The following PTGES3 variants were observed in gnomAD, a reference collection of about 807,000 sequenced individuals.
PTGES3 encodes the protein Hsp90 co-chaperone.
Under a neutral mutation model 29.9 loss-of-function variants are expected in PTGES3, and 5 were observed. That is an observed-to-expected ratio of 0.17 (90% CI 0.09 to 0.35). The LOEUF is 0.35. Among genes scored for constraint, PTGES3 ranks in the 10% least tolerant of loss-of-function variants. The pLI is 1.00. For synonymous variants in PTGES3, 49 were observed against 57.8 expected, an observed-to-expected ratio of 0.85 and a Z score of 0.69; for missense variants, 128 against 190.0, an observed-to-expected ratio of 0.67 and a Z score of 1.92.
At chr12:56,674,789 G>A (rs1470705114) in intron 1 of PTGES3, among the ~76,000 whole-genome samples, 4 of 117,762 alleles carry the variant, frequency 3.4e-5, no homozygotes, top group Admixed American at 2.3e-4. Context: ...TCAGGCCACC[G>A]CACCCCAGCC....
intron 5 of PTGES3, among the ~76,000 whole-genome samples, chr12:56,668,978 T>C (rs1399721504): frequency 1.3e-5 from 2 of 151,632 alleles, no homozygotes; most frequent in Admixed American, 6.6e-5. Context: ...TTTTTCCTTG[T>C]ATATCTCATG....
chr12:56,663,527 T>G lies in PTGES3; in HGVS notation c.*952A>C, dbSNP rs1951682201. ...GAATAATCCCAAATTCTTCCTCAAA[T>G]AAACTCCATTCCAGTAAATGGTAAA... On this transcript the variant is annotated 3_prime_UTR_variant, in exon 8 of 8. Coordinates refer to ENST00000262033, the MANE Select transcript of PTGES3 (RefSeq NM_006601.7). The G allele has an allele frequency of 6.8e-6, 1 of 146,046 alleles. No individual in the cohort carries two copies. The highest frequency in any genetic ancestry group is 6.8e-5 in the Admixed American group (1 of 14,638). The allele number at this position is 146,046 out of a possible 1,614,324, so 9.0% of individuals were successfully genotyped here.
At chr12:56,672,691 T>G in intron 3 of PTGES3, 49 bp downstream of exon 3, 1 of 1,500,344 alleles carries the variant, frequency 6.7e-7, no homozygotes, top group South Asian at 1.4e-5. Context: ...ACTTGGTATG[T>G]CTGTTTCCTC....
chr12:56,666,696 C>G (rs1951801400), intron 5 of PTGES3, among the ~76,000 whole-genome samples: 2 of 151,908 alleles, frequency 1.3e-5, no homozygotes, highest in South Asian at 4.1e-4. Context: ...GGCGTGATCT[C>G]AGCTCACTGC....
At chr12:56,665,696 C>T in intron 6 of PTGES3, 2 of 941,190 alleles carry the variant, frequency 2.1e-6, no homozygotes, top group South Asian at 4.9e-5. Context: ...CACTGGAGTG[C>T]AATGGTGTGA....
chr12:56,665,912 C>G, intron 6 of PTGES3: 1 of 1,013,484 alleles, frequency 9.9e-7, no homozygotes, highest in Non-Finnish European at 1.2e-6. Context: ...TGAGCCACCT[C>G]GCCCGGCCTA....
At chr12:56,671,626 C>T (rs1952010601) in intron 4 of PTGES3, 123 bp downstream of exon 4, 1 of 496,624 alleles carries the variant, frequency 2.0e-6, no homozygotes, top group African/African-American at 2.0e-5. Flanking sequence ...AAAACATGAA[C>T]ATGAGGCTTT....
chr12:56,682,528 C>T lies in PTGES3; in HGVS notation c.2+5470G>A, dbSNP rs570335564. On this transcript the variant is annotated intron_variant, in intron 1 of 7. Transcript: ENST00000262033. ...CAGTGATGACACCACTGCACTCCAGCCTGGGCAAAGTAGTGAGACAGTGTC... is the reference window on the plus strand; with the variant it reads ...CAGTGATGACACCACTGCACTCCAGTCTGGGCAAAGTAGTGAGACAGTGTC... Among the ~76,000 whole-genome samples, 235 of 152,036 alleles carry T rather than the reference C, an allele frequency of 1.5e-3. 1 individual carries two copies. Among genetic ancestry groups the T allele is most frequent in the African/African-American group, 5.4e-3 (226 of 41,472 alleles).
Position 56,665,304 on chromosome 12 carries a change from T to G in PTGES3, c.439-504A>C, listed in dbSNP as rs1339709068. 4.2e-5 allele frequency: 21 copies of G among 495,412 alleles called. No homozygotes were observed. The South Asian group carries it at 5.1e-4, about 12-fold the overall frequency. The allele number at this position is 495,412 out of a possible 1,614,324, so 30.7% of individuals were successfully genotyped here. ...TCCATCTTTTTTTTTTTTTTTTTTT[T>G]GGGTGGGGGGAGATGGAGTCTTGCT... On this transcript the variant is annotated intron_variant, in intron 6 of 7. Transcript: ENST00000262033.
rs1565856590 is a variant in PTGES3, at chr12:56,664,475, T to C, written c.*4A>G. On this transcript the variant is annotated 3_prime_UTR_variant, in exon 8 of 8. Coordinates refer to ENST00000262033, the MANE Select transcript of PTGES3 (RefSeq NM_006601.7). ...TCTCAAAATCCAGGTGATGACAATA[T>C]TCCTTACTCCAGATCTGGCATTTCT... 6.2e-7 allele frequency: 1 copy of C among 1,604,568 alleles called. No homozygotes were observed. The highest frequency in any genetic ancestry group is 1.1e-5 in the South Asian group (1 of 89,114).
intron 7 of PTGES3, 83 bp downstream of exon 7, chr12:56,664,693 C>A: frequency 4.7e-6 from 7 of 1,498,528 alleles, no homozygotes; most frequent in Non-Finnish European, 6.4e-6. Context: ...TACTTTACTT[C>A]CAAAGAAGTT....
chr12:56,685,467 C>T (rs2137739106), intron 1 of PTGES3, among the ~76,000 whole-genome samples: 1 of 149,644 alleles, frequency 6.7e-6, no homozygotes, highest in East Asian at 2.0e-4. Context: ...GTGGCGCAAT[C>T]GCCGCTCACT....
chr12:56,677,112 C>CA (rs1161954746), intron 1 of PTGES3, among the ~76,000 whole-genome samples: 1 of 151,692 alleles, frequency 6.6e-6, no homozygotes, highest in Non-Finnish European at 1.5e-5. Context: ...TGGTGGTGCA[C>CA]ACCTGTGATC....
At chr12:56,673,492 A>G (rs1313523350) in intron 1 of PTGES3, among the ~76,000 whole-genome samples, 1 of 125,010 alleles carries the variant, frequency 8.0e-6, no homozygotes, top group Non-Finnish European at 1.6e-5. Flanking sequence ...ACGGAAAAAA[A>G]AAAAAAAAAA....
At chr12:56,675,135 A>G (rs1226146107) in intron 1 of PTGES3, among the ~76,000 whole-genome samples, 1 of 151,476 alleles carries the variant, frequency 6.6e-6, no homozygotes, top group African/African-American at 2.4e-5. Flanking sequence ...CCCCGTCTCT[A>G]CTAAAATTGC....
At chr12:56,684,283 A>C (rs1952723116) in intron 1 of PTGES3, among the ~76,000 whole-genome samples, 1 of 152,182 alleles carries the variant, frequency 6.6e-6, no homozygotes, top group African/African-American at 2.4e-5. Flanking sequence ...ACTGGCTTGC[A>C]CTCAAGAAAT....
At chr12:56,683,508 AG>A (rs1414019973) in intron 1 of PTGES3, among the ~76,000 whole-genome samples, 2 of 146,522 alleles carry the variant, frequency 1.4e-5, no homozygotes, top group East Asian at 2.0e-4. Context: ...AAAATTAGCC[AG>A]GCATGGCGGC....
intron 1 of PTGES3, among the ~76,000 whole-genome samples, chr12:56,683,099 C>T (rs919595652): frequency 6.6e-5 from 10 of 152,166 alleles, no homozygotes; most frequent in Admixed American, 5.9e-4. Flanking sequence ...CCTGTAATCC[C>T]AGCACTCTAG....
In PTGES3 at chr12:56,683,473, C is replaced by CAAAAAAAAAAAAAAA. The variant is rs71081388; in HGVS notation, c.2+4510_2+4524dup. On this transcript the variant is annotated intron_variant, in intron 1 of 7. Coordinates refer to ENST00000262033, the MANE Select transcript of PTGES3 (RefSeq NM_006601.7). Reference sequence around the variant, plus strand: ...GGGCAACAAGAGAGAAACTCTGTCTCAAAAAAAAAAAAAAAAAAAAAAAAA... The same window carrying CAAAAAAAAAAAAAAA: ...GGGCAACAAGAGAGAAACTCTGTCTCAAAAAAAAAAAAAAAAAAAAAAAAAAAAAAAAAAAAAAAA... Among the ~76,000 whole-genome samples, 99 of 29,758 alleles carry CAAAAAAAAAAAAAAA rather than the reference C, an allele frequency of 3.3e-3. 20 individuals are homozygous for CAAAAAAAAAAAAAAA. Among genetic ancestry groups the CAAAAAAAAAAAAAAA allele is most frequent in the East Asian group, 0.01 (6 of 584 alleles). 19.5% of individuals were successfully genotyped at this position (29,758 alleles called of 152,430 possible).
Sources: allele counts gnomAD v4.1 joint callset (sites outside exome capture counted in the v4.1 genomes callset), GRCh38; gene constraint gnomAD v4.1.1; transcripts MANE v1.5; gene names NCBI Gene and HGNC (gene_info 2026-07-23, HGNC 2026-07-21).